Variants in DR1 observed in about 807,000 individuals in gnomAD.
DR1 encodes down-regulator of transcription 1, also known as protein Dr1.
A neutral mutation model predicts 19.9 loss-of-function variants in DR1; 7 were observed. That is an observed-to-expected ratio of 0.35 (90% CI 0.20 to 0.66). DR1 has a LOEUF of 0.66. Among genes scored for constraint, DR1 ranks in the 30% least tolerant of loss-of-function variants. DR1 has a pLI of 0.66. For synonymous variants in DR1, 76 were observed against 72.5 expected (o/e 1.05, Z -0.24); for missense variants, 98 against 203.7 (o/e 0.48, Z 3.16).
At chr1:93,351,651 G>A (rs1022348575) in intron 1 of DR1, among the ~76,000 whole-genome samples, 6 of 152,102 alleles carry the variant, frequency 3.9e-5, no homozygotes, top group African/African-American at 1.4e-4. Flanking sequence ...GGCCAGGCTT[G>A]TCTCTAACTC....
chr1:93,359,045 T>C (rs1490094765), intron 2 of DR1, among the ~76,000 whole-genome samples: 1 of 152,114 alleles, frequency 6.6e-6, no homozygotes, highest in African/African-American at 2.4e-5. Context: ...AAAGTACATG[T>C]TACAAAAAAA....
chr1:93,352,235 A>G (rs1557745660), intron 1 of DR1, among the ~76,000 whole-genome samples: 5 of 151,774 alleles, frequency 3.3e-5, no homozygotes. Flanking sequence ...ACGCCGGCCA[A>G]TTTTTTTTGT....
At chr1:93,355,407 G>A (rs1435875180) in intron 2 of DR1, 1 of 152,166 alleles carries the variant, frequency 6.6e-6, no homozygotes, top group South Asian at 2.1e-4. Context: ...ATCTACTGGG[G>A]AAGATTGAGT....
chr1:93,350,163 C>G (rs534119720), intron 1 of DR1, among the ~76,000 whole-genome samples: 1 of 152,036 alleles, frequency 6.6e-6, no homozygotes, highest in African/African-American at 2.4e-5. Context: ...CTTCTGCCAC[C>G]CCACAATTAC....
At chr1:93,360,356 A>G (rs1189109737) in intron 2 of DR1, 137 bp from the exon 3 acceptor site, 1 of 722,522 alleles carries the variant, frequency 1.4e-6, no homozygotes, top group Non-Finnish European at 2.1e-6. Context: ...CAGATGTGTG[A>G]CAATTACATA....
Position 93,362,826 on chromosome 1 carries a change from CTTTTTTTTTTTTTTTTTTTTTT to C in DR1, c.*2194_*2215del, listed in dbSNP as rs55792701. 1.9e-5 allele frequency: 1 copy of C among 52,848 alleles called. No homozygotes were observed. The highest frequency in any genetic ancestry group is 3.6e-5 in the Non-Finnish European group (1 of 27,564). The allele number at this position is 52,848 out of a possible 1,614,324, so 3.3% of individuals were successfully genotyped here. On this transcript the variant is annotated 3_prime_UTR_variant, in exon 3 of 3. Transcript: ENST00000370272. The stretch of plus-strand genomic sequence containing the variant: ...GCAATATTTTATTTTTAGGTTTTTT[CTTTTTTTTTTTTTTTTTTTTTT>C]TTTTTTAGCATTTAAGAGTCACTAT...
rs1226811206 is a variant in DR1, at chr1:93,365,987, T to C, written c.*5348T>C. On this transcript the variant is annotated 3_prime_UTR_variant, in exon 3 of 3. Transcript: ENST00000370272. ...TTTTAAGTGTTCAATTCTGTGGCAT[T>C]AAGTATATTCATACTATTGTGCAAC... The C allele has an allele frequency of 6.6e-6, 1 of 152,230 alleles. No individual in the cohort carries two copies. The highest frequency in any genetic ancestry group is 2.4e-5 in the African/African-American group (1 of 41,462). The allele number at this position is 152,230 out of a possible 1,614,324, so 9.4% of individuals were successfully genotyped here. A position where few individuals can be genotyped will look rare whatever the true frequency, so the allele number is the denominator to read the frequency against.
chr1:93,354,795 C>A (rs1241258034), intron 2 of DR1, among the ~76,000 whole-genome samples: 1 of 152,070 alleles, frequency 6.6e-6, no homozygotes, highest in Admixed American at 6.6e-5. Flanking sequence ...CTCTCTGCAG[C>A]CATAACAATC....
intron 2 of DR1, among the ~76,000 whole-genome samples, chr1:93,356,019 A>C (rs1338627865): frequency 6.6e-6 from 1 of 152,192 alleles, no homozygotes; most frequent in African/African-American, 2.4e-5. Context: ...AATATGTGGG[A>C]GTGAGAATCT....
intron 2 of DR1, among the ~76,000 whole-genome samples, chr1:93,360,101 T>G (rs1159922008): frequency 6.6e-6 from 1 of 152,008 alleles, no homozygotes; most frequent in Non-Finnish European, 1.5e-5. Context: ...AGTTGTAATA[T>G]GAGGGTACAG....
At chr1:93,358,644 C>T (rs1447682211) in intron 2 of DR1, among the ~76,000 whole-genome samples, 1 of 152,148 alleles carries the variant, frequency 6.6e-6, no homozygotes, top group African/African-American at 2.4e-5. Flanking sequence ...GTTTCTTAAG[C>T]TTCTAAATTT....
intron 2 of DR1, among the ~76,000 whole-genome samples, chr1:93,356,559 C>T (rs1050536300): frequency 1.3e-5 from 2 of 152,074 alleles, no homozygotes. Flanking sequence ...AAATCAAGCA[C>T]CTTTGCAGTA....
intron 2 of DR1, among the ~76,000 whole-genome samples, chr1:93,356,100 C>T (rs958390668): frequency 6.6e-6 from 1 of 152,030 alleles, no homozygotes; most frequent in Non-Finnish European, 1.5e-5. Context: ...GTCTTTCACA[C>T]CCCAATTTTA....
At chr1:93,354,302 A>G (rs996519504) in intron 2 of DR1, among the ~76,000 whole-genome samples, 4 of 152,086 alleles carry the variant, frequency 2.6e-5, no homozygotes, top group Non-Finnish European at 5.9e-5. Context: ...TTCACTTGAT[A>G]TTTTTTCAGA....
Position 93,351,437 on chromosome 1 carries a change from T to C in DR1, c.221-2471T>C, listed in dbSNP as rs1197535227. Reference sequence around the variant, plus strand: ...AATAGCTTGGATTGGATTTTCTTTCTTTTTTTTTTTTTTTTTTTTTTTGAG... The same window carrying C: ...AATAGCTTGGATTGGATTTTCTTTCCTTTTTTTTTTTTTTTTTTTTTTGAG... On this transcript the variant is annotated intron_variant, in intron 1 of 2. Transcript: ENST00000370272. Among the ~76,000 whole-genome samples the C allele has an allele frequency of 7.3e-5, 6 of 82,668 alleles. No individual in the cohort carries two copies. The South Asian group carries it at 2.2e-3, about 30-fold the overall frequency. The allele number at this position is 82,668 out of a possible 152,430, so 54.2% of individuals were successfully genotyped here.
At chr1:93,352,897 T>G (rs1234101768) in intron 1 of DR1, among the ~76,000 whole-genome samples, 1 of 44,846 alleles carries the variant, frequency 2.2e-5, no homozygotes, top group African/African-American at 3.7e-5. Context: ...GTGAATTTTT[T>G]TTTTTTTTTT....
At chr1:93,351,349 A>C (rs1380811535) in intron 1 of DR1, among the ~76,000 whole-genome samples, 1 of 152,046 alleles carries the variant, frequency 6.6e-6, no homozygotes, top group Non-Finnish European at 1.5e-5. Flanking sequence ...CTCAGCCTTA[A>C]ATGTTTTTAA....
chr1:93,368,283 T>C lies in DR1; in HGVS notation c.*7644T>C, dbSNP rs374390722. The C allele has an allele frequency of 5.3e-5, 8 of 152,230 alleles. No homozygotes were observed. Among genetic ancestry groups the C allele is most frequent in the African/African-American group, 1.9e-4 (8 of 41,452 alleles). The allele number at this position is 152,230 out of a possible 1,614,324, so 9.4% of individuals were successfully genotyped here. Reference sequence around the variant, plus strand: ...ATTGAGTATGAAGAATAGTACATACTGTTTCCTTTTAACTTTATGTTTCTT... The same window carrying C: ...ATTGAGTATGAAGAATAGTACATACCGTTTCCTTTTAACTTTATGTTTCTT... On this transcript the variant is annotated 3_prime_UTR_variant, in exon 3 of 3. Coordinates refer to ENST00000370272, the MANE Select transcript of DR1 (RefSeq NM_001938.3).
At position 93,346,864 on chromosome 1, in the gene DR1, A is replaced by G. The variant is rs755710641; in HGVS notation, c.219A>G (p.Gln73=). 1.9e-6 allele frequency: 3 copies of G among 1,608,058 alleles called. No homozygotes were observed. Among genetic ancestry groups the G allele is most frequent in the Non-Finnish European group, 2.5e-6 (3 of 1,176,556 alleles). The change falls in exon 1 of 3, where the codon CAA becomes CAG. Residue 73 remains glutamine (Q), a splice_region_variant and synonymous_variant. Transcript: ENST00000370272. Reference sequence around the variant, plus strand: ...CCATCTCACCAGAGCATGTCATACAAGGTAAGTCGTGTGTGAGAGCTGGTT... The same window carrying G: ...CCATCTCACCAGAGCATGTCATACAGGGTAAGTCGTGTGTGAGAGCTGGTT... ...KKTISPEHVI[Q]ALESLGFGSY...
Sources: allele counts gnomAD v4.1 joint callset (sites outside exome capture counted in the v4.1 genomes callset), GRCh38; gene constraint gnomAD v4.1.1; transcripts MANE v1.5; gene names NCBI Gene and HGNC (gene_info 2026-07-23, HGNC 2026-07-21).